Variants in RFX4 observed in about 807,000 individuals in gnomAD.
RFX4 encodes transcription factor RFX4.
A neutral mutation model predicts 95.0 loss-of-function variants in RFX4; 10 were observed. That is an observed-to-expected ratio of 0.11 (90% CI 0.06 to 0.18). The LOEUF is 0.18. Ranked by LOEUF, RFX4 falls within the 10% of genes least tolerant of loss-of-function variation. The pLI is 1.00. For synonymous variants in RFX4, 321 were observed against 340.7 expected, an observed-to-expected ratio of 0.94 and a Z score of 0.64; for missense variants, 640 against 922.0, an observed-to-expected ratio of 0.69 and a Z score of 3.96.
chr12:106,720,669 G>A lies in RFX4; in HGVS notation c.1234-90G>A, dbSNP rs2042380166. 1.6e-6 allele frequency: 2 copies of A among 1,277,668 alleles called. No individual in the cohort carries two copies. Among genetic ancestry groups the A allele is most frequent in the South Asian group, 2.4e-5 (2 of 82,528 alleles). 79.1% of individuals were successfully genotyped at this position (1,277,668 alleles called of 1,614,324 possible). A position where few individuals can be genotyped will look rare whatever the true frequency, so the allele number is the denominator to read the frequency against. On this transcript the variant is annotated intron_variant, in intron 12 of 17. Transcript: ENST00000392842. The surrounding 1 kb of genome is among the most constrained non-coding windows in gnomAD (Gnocchi z 4.2). ...CCCAAAGTGCTGGGATTACAGGCGT[G>A]AGCCACTTCAACCGGCCTCATTTTT...
At chr12:106,689,881 T>C (rs1258118925) in intron 7 of RFX4, among the ~76,000 whole-genome samples, 1 of 151,998 alleles carries the variant, frequency 6.6e-6, no homozygotes, top group Non-Finnish European at 1.5e-5. Context: ...ATGTAAGAAG[T>C]CCATTTTATT....
chr12:106,737,357 G>A (rs2042730838), intron 15 of RFX4, among the ~76,000 whole-genome samples: 1 of 151,704 alleles, frequency 6.6e-6, no homozygotes, highest in South Asian at 2.1e-4. Flanking sequence ...CAATAGAAGT[G>A]TGGTCCCTGC....
At chr12:106,729,667 A>G (rs1400167569) in intron 13 of RFX4, among the ~76,000 whole-genome samples, 1 of 152,220 alleles carries the variant, frequency 6.6e-6, no homozygotes, top group Non-Finnish European at 1.5e-5. Context: ...TTAAATGCCA[A>G]AATAAATCTC....
chr12:106,704,055 G>A (rs1160403365), intron 8 of RFX4, among the ~76,000 whole-genome samples: 1 of 90,970 alleles, frequency 1.1e-5, no homozygotes, highest in Non-Finnish European at 1.9e-5. Context: ...GACATAGCAA[G>A]ACACTGTCTC....
At chr12:106,684,837 G>A in intron 5 of RFX4, 1 of 1,571,144 alleles carries the variant, frequency 6.4e-7, no homozygotes, top group Middle Eastern at 1.7e-4. Context: ...CCTTCGGAGG[G>A]TCTGAATTCT....
chr12:106,714,085 A>G (rs2042242296), intron 10 of RFX4, among the ~76,000 whole-genome samples: 1 of 151,084 alleles, frequency 6.6e-6, no homozygotes, highest in African/African-American at 2.4e-5. Context: ...AAAAAAAAAA[A>G]AAAAAAGCAT....
chr12:106,587,498 C>A (rs992599574), intron 1 of RFX4, among the ~76,000 whole-genome samples: 5 of 152,220 alleles, frequency 3.3e-5, no homozygotes, highest in Admixed American at 3.3e-4. Flanking sequence ...GCCTCCCCGC[C>A]GCTGTGTGAG....
chr12:106,586,839 C>T lies in RFX4; in HGVS notation c.43+3476C>T, dbSNP rs111438901. On this transcript the variant is annotated intron_variant, in intron 1 of 17. Transcript: ENST00000392842. The surrounding 1 kb of genome is among the most constrained non-coding windows in gnomAD (Gnocchi z 5.6). ...AGTGCGTCCTGGAGGGAACAGGGCC[C>T]GAGCCTCCTCCATTCTTGCCCAGGC... Among the ~76,000 whole-genome samples the T allele has an allele frequency of 9.8e-3, 1,494 of 152,344 alleles. 34 individuals are homozygous for T. The highest frequency in any genetic ancestry group is 0.034 in the African/African-American group (1,421 of 41,582).
chr12:106,608,973 C>A (rs1373298919), intron 2 of RFX4, 90 bp downstream of exon 2: 8 of 1,132,802 alleles, frequency 7.1e-6, no homozygotes, highest in Non-Finnish European at 1.0e-5. Context: ...CTAGGCTGGG[C>A]CAAGTCACCT....
intron 4 of RFX4, among the ~76,000 whole-genome samples, chr12:106,664,242 A>G (rs909733940): frequency 6.6e-6 from 1 of 151,940 alleles, no homozygotes; most frequent in African/African-American, 2.4e-5. Flanking sequence ...CTTAATAGAT[A>G]TAGACCTATT....
chr12:106,684,798 T>C, intron 5 of RFX4: 2 of 1,549,450 alleles, frequency 1.3e-6, no homozygotes, highest in Non-Finnish European at 1.7e-6. Context: ...AATTTTCTGA[T>C]AACCATACTG....
At chr12:106,584,514 C>A (rs1279968456) in intron 1 of RFX4, among the ~76,000 whole-genome samples, 1 of 152,202 alleles carries the variant, frequency 6.6e-6, no homozygotes, top group Non-Finnish European at 1.5e-5. Context: ...CAAGTGCCTT[C>A]CAGCCCCGGC....
chr12:106,605,101 G>A (rs944432117), intron 1 of RFX4, among the ~76,000 whole-genome samples: 11 of 152,132 alleles, frequency 7.2e-5, no homozygotes, highest in African/African-American at 2.7e-4. Context: ...TAAGTATGAT[G>A]ATGTATGTAA....
chr12:106,684,304 T>G (rs1592935654), intron 5 of RFX4, among the ~76,000 whole-genome samples: 1 of 151,970 alleles, frequency 6.6e-6, no homozygotes, highest in South Asian at 2.1e-4. Context: ...AAGGCAGAGG[T>G]TTCAGTGAGC....
chr12:106,606,867 G>A (rs1041538136), intron 1 of RFX4, among the ~76,000 whole-genome samples: 7 of 152,102 alleles, frequency 4.6e-5, no homozygotes, highest in African/African-American at 7.2e-5. Flanking sequence ...TAGCTTACTC[G>A]TCCGCGTGGC....
At chr12:106,613,940 C>T (rs553056578) in intron 2 of RFX4, among the ~76,000 whole-genome samples, 184 of 152,262 alleles carry the variant, frequency 1.2e-3, no homozygotes, top group African/African-American at 4.1e-3. Flanking sequence ...ACTGCCGAAA[C>T]AGTTTTCTAA....
intron 8 of RFX4, among the ~76,000 whole-genome samples, chr12:106,705,117 G>A (rs1295736324): frequency 1.3e-5 from 2 of 152,116 alleles, no homozygotes; most frequent in Non-Finnish European, 2.9e-5. Flanking sequence ...TGTGAGCCTC[G>A]ATTTCTCACC....
chr12:106,654,205 T>C, intron 3 of RFX4, 23 bp from the exon 4 acceptor site: 1 of 1,613,750 alleles, frequency 6.2e-7, no homozygotes. Flanking sequence ...CATTTTTTGC[T>C]CATTGGGCGT....
Position 106,635,344 on chromosome 12 carries a change from T to C in RFX4, c.131-3988T>C, listed in dbSNP as rs145545800. Among the ~76,000 whole-genome samples the C allele has an allele frequency of 6.1e-3, 930 of 152,190 alleles. 12 individuals are homozygous for C. The highest frequency in any genetic ancestry group is 7.6e-3 in the Non-Finnish European group (515 of 68,002). ...ATTGTTGTTTGTTTTTGAGACAGGG[T>C]TTCACTCCTGTCACACAGGCTGGAG... On this transcript the variant is annotated intron_variant, in intron 2 of 17. Coordinates refer to ENST00000392842, the MANE Select transcript of RFX4 (RefSeq NM_213594.3).
Sources: gnomAD v4.1 joint callset for allele counts (sites outside exome capture counted in the v4.1 genomes callset) on GRCh38, gnomAD v4.1.1 for gene constraint, Gnocchi (gnomAD v3.1) non-coding constraint, MANE v1.5 for transcripts, NCBI Gene and HGNC (gene_info 2026-07-23, HGNC 2026-07-21) for gene names.